Variants in GPC6 observed in about 807,000 individuals in gnomAD.
GPC6 encodes glypican 6.
GPC6 carries 14 observed loss-of-function variants against 55.2 expected under a neutral mutation model. The observed-to-expected ratio is 0.25, with a 90% confidence interval of 0.17 to 0.40. The LOEUF is 0.40. GPC6 is among the 10% of genes least tolerant of loss of function. The pLI, the probability that GPC6 is intolerant of heterozygous loss-of-function variation, is 1.00. For synonymous variants in GPC6, 278 were observed against 259.6 expected (o/e 1.07, Z -0.68); for missense variants, 641 against 708.5 (o/e 0.90, Z 1.08).
At chr13:93,938,390 T>G (rs189680135) in intron 3 of GPC6, among the ~76,000 whole-genome samples, 18 of 152,364 alleles carry the variant, frequency 1.2e-4, no homozygotes, top group African/African-American at 4.3e-4. Context: ...GAATTAAGGC[T>G]GAAATGCTAG....
chr13:93,371,804 G>A (rs952069139), intron 1 of GPC6, among the ~76,000 whole-genome samples: 1 of 151,686 alleles, frequency 6.6e-6, no homozygotes, highest in African/African-American at 2.4e-5. Flanking sequence ...GCTAATGGGC[G>A]CATCTCTGTG....
chr13:93,341,926 T>C (rs1880271755), intron 1 of GPC6, among the ~76,000 whole-genome samples: 1 of 151,616 alleles, frequency 6.6e-6, no homozygotes, highest in Non-Finnish European at 1.5e-5. Flanking sequence ...TCTTTCTTTT[T>C]TTTTTTTTAA....
intron 4 of GPC6, among the ~76,000 whole-genome samples, chr13:94,209,479 A>T (rs927436827): frequency 1.3e-5 from 2 of 152,234 alleles, no homozygotes; most frequent in African/African-American, 4.8e-5. Flanking sequence ...AGTCAGTGTC[A>T]TATTGATCTG....
chr13:93,893,910 A>G (rs1422883807), intron 3 of GPC6, among the ~76,000 whole-genome samples: 1 of 152,174 alleles, frequency 6.6e-6, no homozygotes, highest in African/African-American at 2.4e-5. Context: ...TTCAATAACC[A>G]TTATCCAAGG....
At chr13:93,483,789 A>G (rs1431213994) in intron 1 of GPC6, among the ~76,000 whole-genome samples, 1 of 152,168 alleles carries the variant, frequency 6.6e-6, no homozygotes, top group Non-Finnish European at 1.5e-5. Flanking sequence ...TTGTGCTATT[A>G]GCCCACAGAG....
At chr13:93,762,953 G>A (rs1884999513) in intron 2 of GPC6, among the ~76,000 whole-genome samples, 2 of 152,208 alleles carry the variant, frequency 1.3e-5, no homozygotes, top group South Asian at 4.1e-4. Context: ...CTGACAAGCT[G>A]TGAGTAATAG....
Position 93,389,800 on chromosome 13 carries a change from A to G in GPC6, c.161-155463A>G, listed in dbSNP as rs186597623. Among the ~76,000 whole-genome samples, 180 of 152,238 alleles carry G rather than the reference A, an allele frequency of 1.2e-3. 3 individuals are homozygous for G. Among genetic ancestry groups the G allele is most frequent in the Middle Eastern group, 3.4e-3 (1 of 294 alleles). ...ATAAATGTCTACCATCAGAAAAAAAAACAGTTGGGATAAATTGTTAAGCCC... is the reference window on the plus strand; with the variant it reads ...ATAAATGTCTACCATCAGAAAAAAAGACAGTTGGGATAAATTGTTAAGCCC... On this transcript the variant is annotated intron_variant, in intron 1 of 8. Coordinates refer to ENST00000377047, the MANE Select transcript of GPC6 (RefSeq NM_005708.5).
chr13:93,513,009 G>C (rs1223110019), intron 1 of GPC6, among the ~76,000 whole-genome samples: 1 of 152,118 alleles, frequency 6.6e-6, no homozygotes, highest in Non-Finnish European at 1.5e-5. Context: ...AGATATTCAT[G>C]GCTGATCTGT....
At chr13:93,556,410 A>AT (rs1875477732) in intron 2 of GPC6, among the ~76,000 whole-genome samples, 3 of 114,842 alleles carry the variant, frequency 2.6e-5, no homozygotes, top group African/African-American at 1.6e-4. Flanking sequence ...ATGTATATGT[A>AT]TATATATATA....
chr13:94,022,560 T>C (rs1882736621), intron 3 of GPC6, among the ~76,000 whole-genome samples: 1 of 152,110 alleles, frequency 6.6e-6, no homozygotes, highest in South Asian at 2.1e-4. Context: ...AGTGCAGATA[T>C]CTTTACAAGG....
intron 5 of GPC6, among the ~76,000 whole-genome samples, chr13:94,296,939 A>T (rs1875364653): frequency 6.6e-6 from 1 of 151,562 alleles, no homozygotes; most frequent in African/African-American, 2.4e-5. Flanking sequence ...CTGTAAGTTT[A>T]TACAACTTAA....
At chr13:93,499,655 A>G (rs1191125076) in intron 1 of GPC6, among the ~76,000 whole-genome samples, 1 of 152,198 alleles carries the variant, frequency 6.6e-6, no homozygotes, top group Non-Finnish European at 1.5e-5. Context: ...AAGTTAGGAA[A>G]TAGAATAGGG....
intron 2 of GPC6, among the ~76,000 whole-genome samples, chr13:93,623,451 TTTTC>T (rs1186221198): frequency 4.5e-4 from 27 of 60,624 alleles, no homozygotes; most frequent in African/African-American, 1.1e-3. Context: ...TTTTCTTTTC[TTTTC>T]TTTTTTTTTT....
At chr13:93,349,132 G>C (rs2139161469) in intron 1 of GPC6, among the ~76,000 whole-genome samples, 1 of 152,262 alleles carries the variant, frequency 6.6e-6, no homozygotes, top group Middle Eastern at 3.4e-3. Flanking sequence ...GAAGAGAAAT[G>C]AATTCGGTCA....
At chr13:93,759,234 G>T (rs1884878898) in intron 2 of GPC6, among the ~76,000 whole-genome samples, 1 of 152,070 alleles carries the variant, frequency 6.6e-6, no homozygotes, top group Non-Finnish European at 1.5e-5. Flanking sequence ...TCCCTTTCCA[G>T]ACTTACCATC....
chr13:94,169,799 G>A (rs1176480015), intron 4 of GPC6, among the ~76,000 whole-genome samples: 6 of 152,082 alleles, frequency 3.9e-5, no homozygotes, highest in African/African-American at 7.2e-5. Flanking sequence ...GAGAGAACAC[G>A]TGGCTGCAGG....
At chr13:93,375,714 T>A (rs1357462408) in intron 1 of GPC6, among the ~76,000 whole-genome samples, 1 of 152,194 alleles carries the variant, frequency 6.6e-6, no homozygotes, top group Non-Finnish European at 1.5e-5. Flanking sequence ...CAGGGACTCC[T>A]GGCAGCTCTG....
At chr13:94,120,652 T>C (rs1381938757) in intron 4 of GPC6, among the ~76,000 whole-genome samples, 1 of 152,120 alleles carries the variant, frequency 6.6e-6, no homozygotes, top group Non-Finnish European at 1.5e-5. Flanking sequence ...GTAGTATTGT[T>C]TGTGCCCCCA....
chr13:94,247,295 C>T (rs1393211126), intron 4 of GPC6, among the ~76,000 whole-genome samples: 1 of 152,030 alleles, frequency 6.6e-6, no homozygotes, highest in Admixed American at 6.6e-5. Context: ...TCTGCAGATA[C>T]AAATAATTTT....
Sources: gnomAD v4.1 joint callset for allele counts (sites outside exome capture counted in the v4.1 genomes callset) on GRCh38, gnomAD v4.1.1 for gene constraint, MANE v1.5 for transcripts, NCBI Gene and HGNC (gene_info 2026-07-23, HGNC 2026-07-21) for gene names.